KCNJ6: variants seen among roughly 807,000 people sequenced by gnomAD.
KCNJ6 encodes G protein-activated inward rectifier potassium channel 2.
Under a neutral mutation model 34.2 loss-of-function variants are expected in KCNJ6, and 9 were observed. The ratio of observed to expected loss-of-function variants is 0.26; its 90% CI spans 0.16 to 0.46. The LOEUF (loss-of-function observed/expected upper bound fraction) is 0.46, where lower values mean the gene tolerates loss of function less well. Ranked by LOEUF, KCNJ6 falls within the 20% of genes least tolerant of loss-of-function variation. The pLI is 1.00. For missense variants in KCNJ6, 236 were observed against 531.3 expected, an observed-to-expected ratio of 0.44 and a Z score of 5.46; for synonymous variants, 196 against 207.1, an observed-to-expected ratio of 0.95 and a Z score of 0.46.
intron 2 of KCNJ6, among the ~76,000 whole-genome samples, chr21:37,783,416 T>G (rs2055178883): frequency 6.6e-6 from 1 of 152,252 alleles, no homozygotes; most frequent in South Asian, 2.1e-4. Context: ...GATCTGATGG[T>G]TTTATCAGGG....
chr21:37,835,562 A>C (rs1280490758), intron 2 of KCNJ6, among the ~76,000 whole-genome samples: 1 of 152,246 alleles, frequency 6.6e-6, no homozygotes, highest in Non-Finnish European at 1.5e-5. Context: ...TATTCCATGC[A>C]GACCATGATT....
At chr21:37,875,189 C>A (rs937191843) in intron 1 of KCNJ6, among the ~76,000 whole-genome samples, 7 of 152,126 alleles carry the variant, frequency 4.6e-5, no homozygotes, top group Non-Finnish European at 1.0e-4. Flanking sequence ...TTATCCCCTT[C>A]CAGAGTGAAT....
At chr21:37,815,867 C>T (rs1012857501) in intron 2 of KCNJ6, among the ~76,000 whole-genome samples, 2 of 152,158 alleles carry the variant, frequency 1.3e-5, no homozygotes, top group African/African-American at 2.4e-5. Context: ...AGGTGTTCAC[C>T]GAGGCCAGAT....
At chr21:37,856,954 T>A (rs1026231508) in intron 1 of KCNJ6, among the ~76,000 whole-genome samples, 3 of 152,136 alleles carry the variant, frequency 2.0e-5, no homozygotes, top group Non-Finnish European at 4.4e-5. Flanking sequence ...TCGAATGGTA[T>A]CCCTAATATT....
Position 37,665,408 on chromosome 21 carries a change from T to G in KCNJ6, c.947-39924A>C, listed in dbSNP as rs117019348. On this transcript the variant is annotated intron_variant, in intron 3 of 3. Transcript: ENST00000609713. ...AATGAGGTAGTCATTGTTCTCTGGTTTTACAATAAACATTTAGCAATTGGC... is the reference window on the plus strand; with the variant it reads ...AATGAGGTAGTCATTGTTCTCTGGTGTTACAATAAACATTTAGCAATTGGC... Among the ~76,000 whole-genome samples, 635 of 152,322 alleles carry G rather than the reference T, an allele frequency of 4.2e-3. 6 individuals are homozygous for G. Among genetic ancestry groups the G allele is most frequent in the Non-Finnish European group, 7.0e-3 (478 of 68,026 alleles).
chr21:37,748,658 C>T (rs546982990), intron 2 of KCNJ6, among the ~76,000 whole-genome samples: 1 of 152,314 alleles, frequency 6.6e-6, no homozygotes, highest in African/African-American at 2.4e-5. Flanking sequence ...CTGGGTCTTC[C>T]GCTTCTCCCC....
chr21:37,627,528 ACT>A (rs1194088500), intron 3 of KCNJ6, among the ~76,000 whole-genome samples: 1 of 152,144 alleles, frequency 6.6e-6, no homozygotes, highest in Non-Finnish European at 1.5e-5. Context: ...TGATCCAATA[ACT>A]CTTTTTCCAC....
At chr21:37,791,671 C>T (rs2055217475) in intron 2 of KCNJ6, among the ~76,000 whole-genome samples, 1 of 152,192 alleles carries the variant, frequency 6.6e-6, no homozygotes, top group Admixed American at 6.5e-5. Context: ...TTATTGGCCA[C>T]CTGTCTTCCT....
intron 2 of KCNJ6, among the ~76,000 whole-genome samples, chr21:37,771,702 T>C (rs762798601): frequency 5.4e-4 from 82 of 152,334 alleles, no homozygotes; most frequent in Non-Finnish European, 1.0e-3. Flanking sequence ...TAGAAAATGA[T>C]GTTTTAATGA....
At chr21:37,879,476 T>C (rs2055695676) in intron 1 of KCNJ6, among the ~76,000 whole-genome samples, 1 of 152,160 alleles carries the variant, frequency 6.6e-6, no homozygotes, top group Non-Finnish European at 1.5e-5. Flanking sequence ...CTATGACCTA[T>C]ACTGGCTACT....
At chr21:37,804,035 T>C (rs1601479650) in intron 2 of KCNJ6, among the ~76,000 whole-genome samples, 5 of 152,258 alleles carry the variant, frequency 3.3e-5, no homozygotes. Context: ...GTTAAAAAAA[T>C]GGGGAAAGGA....
chr21:37,862,513 G>C (rs2055599710), intron 1 of KCNJ6, among the ~76,000 whole-genome samples: 1 of 152,194 alleles, frequency 6.6e-6, no homozygotes, highest in African/African-American at 2.4e-5. Flanking sequence ...TATGATCTGA[G>C]TTCAAGCTAA....
intron 2 of KCNJ6, among the ~76,000 whole-genome samples, chr21:37,815,220 A>C (rs2055341172): frequency 1.3e-5 from 2 of 152,196 alleles, no homozygotes; most frequent in Non-Finnish European, 2.9e-5. Flanking sequence ...CAGGGTGACT[A>C]TAGTCAATAA....
intron 1 of KCNJ6, among the ~76,000 whole-genome samples, chr21:37,849,172 G>T (rs2055525145): frequency 6.6e-6 from 1 of 152,170 alleles, no homozygotes; most frequent in South Asian, 2.1e-4. Flanking sequence ...TCCCTGTCAG[G>T]TACCTCTGCT....
intron 2 of KCNJ6, among the ~76,000 whole-genome samples, chr21:37,803,448 A>G (rs1195589385): frequency 6.6e-6 from 1 of 152,216 alleles, no homozygotes; most frequent in Non-Finnish European, 1.5e-5. Context: ...CAGGAGATTC[A>G]TGGTATATAG....
chr21:37,848,412 C>T (rs372745876), intron 1 of KCNJ6, among the ~76,000 whole-genome samples: 35 of 152,138 alleles, frequency 2.3e-4, no homozygotes, highest in Middle Eastern at 3.4e-3. Context: ...GGGGTGTGCT[C>T]GAAGGAGGTG....
intron 1 of KCNJ6, among the ~76,000 whole-genome samples, chr21:37,905,394 A>G (rs2055836619): frequency 6.6e-6 from 1 of 152,146 alleles, no homozygotes; most frequent in African/African-American, 2.4e-5. Context: ...TGGCGCTCTG[A>G]TTTCCATGGT....
chr21:37,798,140 C>A (rs918505788), intron 2 of KCNJ6, among the ~76,000 whole-genome samples: 1 of 152,168 alleles, frequency 6.6e-6, no homozygotes, highest in South Asian at 2.1e-4. Context: ...TTATTACAAG[C>A]CCTGTTTTAC....
Sources: gnomAD v4.1 joint callset for allele counts (sites outside exome capture counted in the v4.1 genomes callset) on GRCh38, gnomAD v4.1.1 for gene constraint, MANE v1.5 for transcripts, NCBI Gene and HGNC (gene_info 2026-07-23, HGNC 2026-07-21) for gene names.